Variants in MGAT4C observed in about 807,000 individuals in gnomAD.
The protein encoded by MGAT4C is MGAT4 family member C.
MGAT4C carries 19 observed loss-of-function variants against 40.1 expected under a neutral mutation model. That is an observed-to-expected ratio of 0.47 (90% CI 0.33 to 0.70). The LOEUF (loss-of-function observed/expected upper bound fraction) is 0.70. Ranked by LOEUF, MGAT4C falls within the 30% of genes least tolerant of loss-of-function variation. MGAT4C has a pLI of 0.02. For missense variants in MGAT4C, 491 were observed against 563.2 expected (o/e 0.87, Z 1.30); for synonymous variants, 181 against 187.1 (o/e 0.97, Z 0.27).
chr12:86,021,945 G>T (rs924504632), intron 2 of MGAT4C, among the ~76,000 whole-genome samples: 1 of 152,050 alleles, frequency 6.6e-6, no homozygotes, highest in Non-Finnish European at 1.5e-5. Flanking sequence ...AATTTGGGTG[G>T]ATTTAATGCA....
At chr12:86,110,302 A>ATATATATATAGAC in intron 1 of MGAT4C, among the ~76,000 whole-genome samples, 1 of 82,920 alleles carries the variant, frequency 1.2e-5, no homozygotes, top group African/African-American at 6.4e-5. Context: ...TAGTCTCTCT[A>ATATATATATAGAC]TATATATATA....
At chr12:86,699,584 C>T (rs1182001619) in intron 2 of MGAT4C, among the ~76,000 whole-genome samples, 1 of 151,932 alleles carries the variant, frequency 6.6e-6, no homozygotes, top group Non-Finnish European at 1.5e-5. Context: ...CTGTTAACCC[C>T]AGTGCAGCCA....
intron 1 of MGAT4C, among the ~76,000 whole-genome samples, chr12:86,767,078 A>G (rs1261577199): frequency 1.3e-5 from 2 of 152,258 alleles, no homozygotes; most frequent in East Asian, 3.9e-4. Flanking sequence ...ATGAATCCAG[A>G]AGCTGGTTTT....
chr12:85,976,987 CAT>C lies in MGAT4C; in HGVS notation c.*2300_*2301del, dbSNP rs1289273599. 2 of 151,150 alleles carry C rather than the reference CAT, an allele frequency of 1.3e-5. No homozygotes were observed. Among genetic ancestry groups the C allele is most frequent in the Non-Finnish European group, 1.5e-5 (1 of 67,348 alleles). 9.4% of individuals were successfully genotyped at this position (151,150 alleles called of 1,614,324 possible). On this transcript the variant is annotated 3_prime_UTR_variant, in exon 5 of 5. Coordinates refer to ENST00000611864, the MANE Select transcript of MGAT4C (RefSeq NM_001351288.2). ...GACCCAGTGTCAACTGTAAAGAAAA[CAT>C]AGAGGATCCTTGGATGATTGACCAA...
chr12:86,191,632 AACACACACACACACACACACAC>A (rs61626246), intron 1 of MGAT4C, among the ~76,000 whole-genome samples: 10 of 121,920 alleles, frequency 8.2e-5, no homozygotes, highest in Admixed American at 4.0e-4. Context: ...CAAAAAACAA[AACACACACACACACACACACAC>A]ACACACACAC....
intron 2 of MGAT4C, among the ~76,000 whole-genome samples, chr12:86,460,118 T>C (rs1173137450): frequency 3.9e-5 from 6 of 151,960 alleles, no homozygotes; most frequent in Admixed American, 3.9e-4. Flanking sequence ...AAGGCTGAGG[T>C]GGGAGGATTG....
At chr12:86,664,112 C>CA (rs1465640021) in intron 2 of MGAT4C, among the ~76,000 whole-genome samples, 4 of 151,558 alleles carry the variant, frequency 2.6e-5, no homozygotes, top group Admixed American at 2.0e-4. Flanking sequence ...CACTGTTTAT[C>CA]ATCTGGCATT....
intron 2 of MGAT4C, among the ~76,000 whole-genome samples, chr12:86,549,601 A>C: frequency 6.6e-6 from 1 of 152,188 alleles, no homozygotes; most frequent in East Asian, 1.9e-4. Flanking sequence ...GCTTCTACTT[A>C]GAGTGTTAAA....
chr12:86,162,839 T>C (rs1031444734), intron 1 of MGAT4C, among the ~76,000 whole-genome samples: 3 of 152,180 alleles, frequency 2.0e-5, no homozygotes, highest in Non-Finnish European at 4.4e-5. Context: ...CCAAAAATAA[T>C]TGGAAGTTTC....
chr12:86,246,496 T>C (rs1056044186), intron 1 of MGAT4C, among the ~76,000 whole-genome samples: 4 of 152,166 alleles, frequency 2.6e-5, no homozygotes, highest in African/African-American at 9.7e-5. Flanking sequence ...AAGAATAAAT[T>C]AACTGCTGAG....
At chr12:86,336,308 G>C (rs1954791831) in intron 3 of MGAT4C, among the ~76,000 whole-genome samples, 1 of 152,102 alleles carries the variant, frequency 6.6e-6, no homozygotes, top group Non-Finnish European at 1.5e-5. Context: ...TGTTTCAGTA[G>C]AGTTCAGTTC....
At chr12:86,804,070 G>A (rs1198125076) in intron 1 of MGAT4C, among the ~76,000 whole-genome samples, 2 of 147,562 alleles carry the variant, frequency 1.4e-5, no homozygotes, top group African/African-American at 5.0e-5. Context: ...TATACACCAT[G>A]GAATACTATG....
chr12:86,111,104 C>CTTTTATAGT (rs1877316410), intron 1 of MGAT4C, among the ~76,000 whole-genome samples: 1 of 151,548 alleles, frequency 6.6e-6, no homozygotes, highest in African/African-American at 2.4e-5. Context: ...AGTTTTTAAA[C>CTTTTATAGT]CATAGAAAGT....
At chr12:86,302,575 T>G (rs2136141037) in intron 4 of MGAT4C, among the ~76,000 whole-genome samples, 1 of 150,420 alleles carries the variant, frequency 6.6e-6, no homozygotes, top group African/African-American at 2.5e-5. Flanking sequence ...ATTACAGGCA[T>G]ACGCCAACGT....
At chr12:86,803,287 C>T (rs950408431) in intron 1 of MGAT4C, among the ~76,000 whole-genome samples, 2 of 151,014 alleles carry the variant, frequency 1.3e-5, no homozygotes, top group Non-Finnish European at 3.0e-5. Flanking sequence ...AAGATTTAAA[C>T]GTTAGACCTA....
chr12:86,641,090 T>G (rs1486688227), intron 2 of MGAT4C, among the ~76,000 whole-genome samples: 2 of 151,734 alleles, frequency 1.3e-5, no homozygotes, highest in Non-Finnish European at 2.9e-5. Context: ...TGCGGCACTA[T>G]TCACAATAGC....
At chr12:86,572,311 T>C (rs1960398457) in intron 2 of MGAT4C, among the ~76,000 whole-genome samples, 1 of 152,064 alleles carries the variant, frequency 6.6e-6, no homozygotes, top group African/African-American at 2.4e-5. Context: ...ATTCTGGGAA[T>C]AACCTTCATC....
chr12:86,320,472 G>C (rs1954355845), intron 4 of MGAT4C, among the ~76,000 whole-genome samples: 1 of 152,052 alleles, frequency 6.6e-6, no homozygotes, highest in African/African-American at 2.4e-5. Context: ...AATAGTAATA[G>C]TAATAACAAT....
intron 2 of MGAT4C, among the ~76,000 whole-genome samples, chr12:86,000,271 A>C (rs201390842): frequency 6.6e-6 from 1 of 152,142 alleles, no homozygotes; most frequent in East Asian, 1.9e-4. Context: ...AAATCAATGA[A>C]TAAGAAAAAA....
Sources: gnomAD v4.1 joint callset for allele counts (sites outside exome capture counted in the v4.1 genomes callset) on GRCh38, gnomAD v4.1.1 for gene constraint, MANE v1.5 for transcripts, NCBI Gene and HGNC (gene_info 2026-07-23, HGNC 2026-07-21) for gene names.